MEG3: variants seen among roughly 807,000 people sequenced by gnomAD.
MEG3 encodes the protein maternally expressed 3.
chr14:100,843,640 G>C (rs1372289672), intron 2 of MEG3, among the ~76,000 whole-genome samples: 1 of 152,178 alleles, frequency 6.6e-6, no homozygotes, highest in Non-Finnish European at 1.5e-5. Flanking sequence ...TGTCCCCAGT[G>C]CCCTGGCCGG....
At chr14:100,836,052 A>G (rs2037565166) in intron 1 of MEG3, 1 of 365,708 alleles carries the variant, frequency 2.7e-6, no homozygotes, top group Non-Finnish European at 5.3e-6. Flanking sequence ...TAGTCACCCC[A>G]CTCCACCGAA....
At chr14:100,848,766 C>T (rs1247195143) in intron 3 of MEG3, 3 of 151,794 alleles carry the variant, frequency 2.0e-5, no homozygotes, top group South Asian at 2.1e-4. Flanking sequence ...AGAATAAATG[C>T]GTGCATTCCA....
intron 2 of MEG3, among the ~76,000 whole-genome samples, chr14:100,840,171 T>C (rs891202089): frequency 1.3e-5 from 2 of 152,200 alleles, no homozygotes; most frequent in Non-Finnish European, 2.9e-5. Context: ...GCCATGACTT[T>C]CTTAACTGCT....
upstream of MEG3, chr14:100,852,371 G>A (rs1196863622): frequency 1.9e-6 from 1 of 533,882 alleles, no homozygotes; most frequent in Non-Finnish European, 3.8e-6. Flanking sequence ...GAAGGCGGAG[G>A]ACATGGAATT....
At chr14:100,836,335 A>G in intron 2 of MEG3, 1 of 455,354 alleles carries the variant, frequency 2.2e-6, no homozygotes, top group South Asian at 1.6e-5. Context: ...CCAGGATTTT[A>G]TTAGGGTCAG....
intron 2 of MEG3, among the ~76,000 whole-genome samples, chr14:100,841,165 G>A (rs1053398256): frequency 6.6e-6 from 1 of 152,220 alleles, no homozygotes. Context: ...CCACTCCAGA[G>A]GCACCAGGGA....
At chr14:100,826,599 A>C (rs1382335246) in intron 1 of MEG3, among the ~76,000 whole-genome samples, 2 of 152,136 alleles carry the variant, frequency 1.3e-5, no homozygotes, top group African/African-American at 4.8e-5. Context: ...AATCGCGTTA[A>C]TAGTGGGAGA....
downstream of MEG3, chr14:100,833,752 A>G (rs932454909): frequency 2.0e-5 from 3 of 152,198 alleles, no homozygotes; most frequent in African/African-American, 4.8e-5. Flanking sequence ...AGGCGGATCA[A>G]TCATGATTAA....
At chr14:100,835,078 A>G (rs1163919075) in exon 1 of MEG3, 3 of 342,884 alleles carry the variant, frequency 8.7e-6, no homozygotes, top group African/African-American at 6.5e-5. Context: ...GGAGCAGTGG[A>G]CTGTGGCTCC....
rs1009729879 is a variant in MEG3, at chr14:100,845,369, C to T, written n.3046-89C>T. On this transcript the variant is annotated intron_variant and non_coding_transcript_variant, in intron 2 of 3. Transcript: ENST00000398461. This position sits in a 1 kb window ranked among gnomAD's most constrained non-coding sequence, Gnocchi z 5.2. The stretch of plus-strand genomic sequence containing the variant: ...TCTGCTCCAGGCCACCCCTGCCCGC[C>T]CCCCAGAGCTGTTGTCCTCATCCGC... 3 of 375,080 alleles carry T rather than the reference C, an allele frequency of 8.0e-6. No homozygotes were observed. The highest frequency in any genetic ancestry group is 2.2e-5 in the African/African-American group (1 of 45,160). 23.2% of individuals were successfully genotyped at this position (375,080 alleles called of 1,614,324 possible). A position where few individuals can be genotyped will look rare whatever the true frequency, so the allele number is the denominator to read the frequency against.
downstream of MEG3, chr14:100,830,016 CAG>C (rs1258105086): frequency 6.6e-6 from 1 of 152,148 alleles, no homozygotes; most frequent in Non-Finnish European, 1.5e-5. Context: ...ATTAAAGAAA[CAG>C]AAACTTGCTG....
upstream of MEG3, chr14:100,852,547 G>A (rs2038114785): frequency 4.7e-6 from 2 of 422,828 alleles, no homozygotes; most frequent in East Asian, 6.1e-5. Context: ...GTCTGGGGGT[G>A]CACTTATTAT....
At chr14:100,827,088 T>A (rs1312669146) in intron 1 of MEG3, among the ~76,000 whole-genome samples, 12 of 151,704 alleles carry the variant, frequency 7.9e-5, no homozygotes, top group African/African-American at 2.7e-4. Flanking sequence ...GGGGATGGGG[T>A]GCCGCGGGGG....
exon 1 of MEG3, chr14:100,834,546 C>G: frequency 5.2e-6 from 2 of 387,890 alleles, no homozygotes; most frequent in Admixed American, 5.6e-5. Context: ...TAACCTGGCT[C>G]CTTGAGTCCC....
At chr14:100,849,750 C>T (rs1321382666) in intron 3 of MEG3, 1 of 151,908 alleles carries the variant, frequency 6.6e-6, no homozygotes, top group Non-Finnish European at 1.5e-5. Context: ...CCCAGGTTCC[C>T]AGGGGGAGGG....
At position 100,845,731 on chromosome 14, in the gene MEG3, C is replaced by G. The variant is rs912649881; in HGVS notation, n.3121+198C>G. ...GCTCCTGTTTTCTAAGACAGGAGCC[C>G]CCTGCCTCCTTGTGTTGTCTCTGTG... On this transcript the variant is annotated intron_variant and non_coding_transcript_variant, in intron 3 of 3. Transcript: ENST00000398461. The surrounding 1 kb of genome is among the most constrained non-coding windows in gnomAD (Gnocchi z 5.2). 6 of 228,288 alleles carry G rather than the reference C, an allele frequency of 2.6e-5. No individual in the cohort carries two copies. The highest frequency in any genetic ancestry group is 1.6e-4 in the Admixed American group (3 of 18,284). The allele number at this position is 228,288 out of a possible 1,614,324, so 14.1% of individuals were successfully genotyped here.
At chr14:100,828,073 C>G (rs11624152) in intron 1 of MEG3, among the ~76,000 whole-genome samples, 135,425 of 151,980 alleles carry the variant, frequency 0.89, 60,740 homozygotes, top group East Asian at 0.99. Context: ...GAGAGGCGTC[C>G]AGGGGGCGTA....
chr14:100,829,062 C>T (rs1299365301), exon 3 of MEG3: 1 of 152,192 alleles, frequency 6.6e-6, no homozygotes, highest in Non-Finnish European at 1.5e-5. Context: ...TTTCCTGGAT[C>T]CCACCAACAT....
At chr14:100,855,843 C>G (rs751174807), upstream of MEG3, 2 of 152,202 alleles carry the variant, frequency 1.3e-5, no homozygotes, top group African/African-American at 2.4e-5. Context: ...GATTCGAGTT[C>G]TGTTGCGAGT....
Sources: allele counts gnomAD v4.1 joint callset (sites outside exome capture counted in the v4.1 genomes callset), GRCh38; gene constraint gnomAD v4.1.1; non-coding constraint Gnocchi (gnomAD v3.1); transcripts MANE v1.5; gene names NCBI Gene and HGNC (gene_info 2026-07-23, HGNC 2026-07-21).